The following SH3RF1 variants were observed in gnomAD, a reference collection of about 807,000 sequenced individuals.
SH3RF1 encodes the protein E3 ubiquitin-protein ligase SH3RF1.
A neutral mutation model predicts 74.0 loss-of-function variants in SH3RF1; 32 were observed. The ratio of observed to expected loss-of-function variants is 0.43; its 90% CI spans 0.33 to 0.58. The LOEUF is 0.58. SH3RF1 is among the 20% of genes least tolerant of loss of function. The pLI, the probability that SH3RF1 is intolerant of heterozygous loss-of-function variation, is 0.05. For missense variants in SH3RF1, 954 were observed against 1,130.9 expected (o/e 0.84, Z 2.24); for synonymous variants, 396 against 439.6 (o/e 0.90, Z 1.24).
chr4:169,098,898 A>G (rs185516274), intron 11 of SH3RF1, among the ~76,000 whole-genome samples: 4 of 152,348 alleles, frequency 2.6e-5, no homozygotes, highest in Admixed American at 2.6e-4. Context: ...ACCTGAAAAT[A>G]TTAGCTCCCA....
Position 169,228,915 on chromosome 4 carries a change from T to C in SH3RF1, c.393+39905A>G, listed in dbSNP as rs545026286. On this transcript the variant is annotated intron_variant, in intron 2 of 11. Transcript: ENST00000284637. ...CTATAATTTTGTAATGTTAGAATTTTACTTTAAAAAAACAAAAAAAATTCT... is the reference window on the plus strand; with the variant it reads ...CTATAATTTTGTAATGTTAGAATTTCACTTTAAAAAAACAAAAAAAATTCT... Among the ~76,000 whole-genome samples the C allele has an allele frequency of 7.6e-4, 116 of 152,308 alleles. 1 individual carries two copies. In the South Asian group the frequency reaches 0.018, roughly 24 times the overall value.
intron 2 of SH3RF1, among the ~76,000 whole-genome samples, chr4:169,193,379 C>G (rs1734760234): frequency 6.6e-6 from 1 of 152,148 alleles, no homozygotes; most frequent in South Asian, 2.1e-4. Context: ...AGCAGAAAAG[C>G]TGCAGATGTG....
intron 2 of SH3RF1, among the ~76,000 whole-genome samples, chr4:169,265,461 T>G (rs1218960468): frequency 3.3e-5 from 5 of 152,268 alleles, no homozygotes; most frequent in Middle Eastern, 3.4e-3. Flanking sequence ...TGTTAAGAGA[T>G]ATTAAGAGAA....
Position 169,269,018 on chromosome 4 carries a change from A to T in SH3RF1, c.195T>A (p.Ser65Arg). The T allele has an allele frequency of 6.2e-7, 1 of 1,614,152 alleles. No individual in the cohort carries two copies. The highest frequency in any genetic ancestry group is 8.5e-7 in the Non-Finnish European group (1 of 1,180,022). ...LVGSGVEELP[S>R]NILLVRLLDG... is the part of the protein sequence containing the mutation. ...CCAGAAGTCTGACCAGCAAGATGTT[A>T]CTGGGAAGCTCCTCGACACCCGAGC... is the stretch of plus-strand genomic sequence containing the variant. The change falls in exon 2 of 12, where the codon AGT (serine) becomes AGA (arginine). Residue 65 changes from serine to arginine, a missense_variant. Ser to Arg is a moderately radical substitution (Grantham distance 110). Transcript: ENST00000284637.
Position 169,095,170 on chromosome 4 carries a change from C to T in SH3RF1, c.*1349G>A, listed in dbSNP as rs1426304512. The T allele has an allele frequency of 6.6e-6, 1 of 152,608 alleles. No homozygotes were observed. Among genetic ancestry groups the T allele is most frequent in the African/African-American group, 2.4e-5 (1 of 41,432 alleles). 9.5% of individuals were successfully genotyped at this position (152,608 alleles called of 1,614,324 possible). A position where few individuals can be genotyped will look rare whatever the true frequency, so the allele number is the denominator to read the frequency against. On this transcript the variant is annotated 3_prime_UTR_variant, in exon 12 of 12. Coordinates refer to ENST00000284637, the MANE Select transcript of SH3RF1 (RefSeq NM_020870.4). ...CACTCCCACCAAGCCTTCCAGAGCT[C>T]CACAGTCACAGGAGTAGTCTCCTGG...
intron 6 of SH3RF1, 114 bp downstream of exon 6, chr4:169,129,932 C>T (rs1395237951): frequency 1.0e-5 from 8 of 771,444 alleles, no homozygotes; most frequent in Non-Finnish European, 1.7e-5. Context: ...AGATAGATAC[C>T]CACCTCACCT....
intron 2 of SH3RF1, among the ~76,000 whole-genome samples, chr4:169,215,169 T>C (rs1730443096): frequency 6.6e-6 from 1 of 152,194 alleles, no homozygotes; most frequent in Admixed American, 6.5e-5. Context: ...TTATCAAGAA[T>C]GGGTGTTGAA....
At position 169,136,392 on chromosome 4, in the gene SH3RF1, T is replaced by A; in HGVS notation, c.994A>T (p.Ile332Phe). 1.3e-6 allele frequency: 2 copies of A among 1,594,934 alleles called. No homozygotes were observed. Among genetic ancestry groups the A allele is most frequent in the Non-Finnish European group, 1.7e-6 (2 of 1,172,108 alleles). ...GCAGCAGTGGGGTTGCTGGAGCTGA[T>A]GAGGACAGGGGGGCTGATCTCCATG... is the stretch of plus-strand genomic sequence containing the variant. ...HSMEISPPVL[I>F]SSSNPTAAAR... The change falls in exon 5 of 12, where the codon ATC becomes TTC. Residue 332 changes from isoleucine to phenylalanine, a missense_variant. By Grantham distance (21) the Ile-to-Phe change is conservative. Coordinates refer to ENST00000284637, the MANE Select transcript of SH3RF1 (RefSeq NM_020870.4).
At chr4:169,241,196 C>T (rs76118872) in intron 2 of SH3RF1, among the ~76,000 whole-genome samples, 6,342 of 152,324 alleles carry the variant, frequency 0.042, 198 homozygotes, top group South Asian at 0.15. Context: ...CGCCACTGCA[C>T]TCCAGCCTGG....
intron 4 of SH3RF1, among the ~76,000 whole-genome samples, chr4:169,145,643 T>C (rs1009625817): frequency 3.4e-5 from 5 of 147,280 alleles, no homozygotes; most frequent in Non-Finnish European, 7.5e-5. Flanking sequence ...TACATACATA[T>C]ATAATAATGT....
chr4:169,159,959 A>G (rs1267886601), intron 2 of SH3RF1, among the ~76,000 whole-genome samples: 1 of 152,202 alleles, frequency 6.6e-6, no homozygotes, highest in East Asian at 1.9e-4. Flanking sequence ...ATTCACTGAC[A>G]TGTACCGTTT....
chr4:169,201,851 T>C (rs188167684), intron 2 of SH3RF1: 19 of 152,276 alleles, frequency 1.2e-4, no homozygotes, highest in African/African-American at 4.3e-4. Flanking sequence ...AACCCATCTG[T>C]CGTCGCTACA....
At chr4:169,192,358 C>G (rs889981005) in intron 2 of SH3RF1, among the ~76,000 whole-genome samples, 1 of 151,814 alleles carries the variant, frequency 6.6e-6, no homozygotes. Context: ...AGAAGATATA[C>G]AAATGGCCAA....
At position 169,136,635 on chromosome 4, in the gene SH3RF1, A is replaced by T; in HGVS notation, c.766-15T>A. 3 of 1,483,302 alleles carry T rather than the reference A, an allele frequency of 2.0e-6. No homozygotes were observed. Among genetic ancestry groups the T allele is most frequent in the Non-Finnish European group, 2.7e-6 (3 of 1,114,674 alleles). 91.9% of individuals were successfully genotyped at this position (1,483,302 alleles called of 1,614,324 possible). A position where few individuals can be genotyped will look rare whatever the true frequency, so the allele number is the denominator to read the frequency against. The stretch of plus-strand genomic sequence containing the variant: ...GCCGAGTTAAACTGCAAAAGCAACC[A>T]ACAAACCAACACAAGAAGGTTAAAC... On this transcript the variant is annotated splice_polypyrimidine_tract_variant and intron_variant, in intron 4 of 11. Coordinates refer to ENST00000284637, the MANE Select transcript of SH3RF1 (RefSeq NM_020870.4).
At chr4:169,202,941 T>C (rs757036671) in intron 2 of SH3RF1, among the ~76,000 whole-genome samples, 9 of 152,168 alleles carry the variant, frequency 5.9e-5, no homozygotes, top group African/African-American at 1.2e-4. Flanking sequence ...GAAGAAGACA[T>C]AGCATTCTGT....
intron 2 of SH3RF1, among the ~76,000 whole-genome samples, chr4:169,241,222 T>G (rs1323956374): frequency 1.3e-5 from 2 of 152,172 alleles, no homozygotes; most frequent in Non-Finnish European, 2.9e-5. Context: ...AGAGCGAGAC[T>G]CCGTCTCAAA....
At chr4:169,177,224 C>A (rs1028998462) in intron 2 of SH3RF1, among the ~76,000 whole-genome samples, 1 of 152,198 alleles carries the variant, frequency 6.6e-6, no homozygotes, top group Non-Finnish European at 1.5e-5. Context: ...GCACACACAG[C>A]TGCCTGGTAA....
chr4:169,234,521 A>C (rs565288600), intron 2 of SH3RF1, among the ~76,000 whole-genome samples: 1 of 152,200 alleles, frequency 6.6e-6, no homozygotes, highest in African/African-American at 2.4e-5. Context: ...ATTTACATCT[A>C]AACAATGATA....
At chr4:169,115,010 G>A (rs1371604874) in intron 10 of SH3RF1, among the ~76,000 whole-genome samples, 3 of 151,996 alleles carry the variant, frequency 2.0e-5, no homozygotes, top group South Asian at 4.1e-4. Context: ...ATCCAGATCC[G>A]TTACCATCTC....
Sources: allele counts gnomAD v4.1 joint callset (sites outside exome capture counted in the v4.1 genomes callset), GRCh38; gene constraint gnomAD v4.1.1; transcripts MANE v1.5; gene names NCBI Gene and HGNC (gene_info 2026-07-23, HGNC 2026-07-21).